The following PTPRD variants were observed in gnomAD, a reference collection of about 807,000 sequenced individuals.
The protein encoded by PTPRD is receptor-type tyrosine-protein phosphatase delta.
PTPRD carries 34 observed loss-of-function variants against 214.5 expected under a neutral mutation model. That is an observed-to-expected ratio of 0.16 (90% CI 0.12 to 0.21). PTPRD has a LOEUF of 0.21. PTPRD is among the 10% of genes least tolerant of loss of function. PTPRD has a pLI of 1.00. For synonymous variants in PTPRD, 1,128 were observed against 845.7 expected (o/e 1.33, Z -5.79); for missense variants, 2,545 against 2,398.7 (o/e 1.06, Z -1.27).
At chr9:10,027,957 T>A (rs1416974816) in intron 4 of PTPRD, among the ~76,000 whole-genome samples, 1 of 152,178 alleles carries the variant, frequency 6.6e-6, no homozygotes, top group Non-Finnish European at 1.5e-5. Flanking sequence ...GATTAAGTTT[T>A]TATTATTCCT....
chr9:8,529,966 C>T (rs953206536), intron 14 of PTPRD, among the ~76,000 whole-genome samples: 2 of 152,076 alleles, frequency 1.3e-5, no homozygotes, highest in East Asian at 3.9e-4. Flanking sequence ...CTCACGGCCA[C>T]TGATAAATTT....
rs965690881 is a variant in PTPRD at position 8,861,899 on chromosome 9, C to T, written c.-103-127953G>A. On this transcript the variant is annotated intron_variant, in intron 11 of 45. Transcript: ENST00000381196. The stretch of plus-strand genomic sequence containing the variant: ...GCTTATGTCTAATACACTTTATTGA[C>T]TTACTGCTAAATACATAAATGAAAC... 2.0e-5 allele frequency: 3 copies of T among 152,330 alleles called. No individual in the cohort carries two copies. In the South Asian group the frequency reaches 6.2e-4, roughly 32 times the overall value. The allele number at this position is 152,330 out of a possible 1,614,324, so 9.4% of individuals were successfully genotyped here.
chr9:8,332,227 A>C (rs944857796), intron 43 of PTPRD, among the ~76,000 whole-genome samples: 1 of 152,158 alleles, frequency 6.6e-6, no homozygotes, highest in African/African-American at 2.4e-5. Flanking sequence ...TGTCGCAATA[A>C]CTTCACATCT....
intron 7 of PTPRD, among the ~76,000 whole-genome samples, chr9:9,721,822 C>A (rs2097954598): frequency 6.6e-6 from 1 of 151,998 alleles, no homozygotes; most frequent in East Asian, 1.9e-4. Flanking sequence ...ATTAACAGCA[C>A]TGAATCATTT....
intron 12 of PTPRD, among the ~76,000 whole-genome samples, chr9:8,668,664 T>C (rs181901338): frequency 4.7e-4 from 72 of 152,202 alleles, no homozygotes; most frequent in African/African-American, 1.7e-3. Context: ...CCGAAAACAA[T>C]AAAAATAGTG....
At chr9:10,610,732 C>G (rs933408070) in intron 2 of PTPRD, among the ~76,000 whole-genome samples, 8 of 152,202 alleles carry the variant, frequency 5.3e-5, no homozygotes, top group African/African-American at 1.7e-4. Context: ...AATGACACAT[C>G]TTTCTCAAAT....
intron 39 of PTPRD, among the ~76,000 whole-genome samples, chr9:8,347,771 T>C (rs2074281135): frequency 1.3e-5 from 2 of 152,172 alleles, no homozygotes; most frequent in African/African-American, 2.4e-5. Context: ...GATCTTTTTC[T>C]CTATGCATAC....
intron 33 of PTPRD, chr9:8,451,767 C>G (rs2095962554): frequency 5.4e-6 from 2 of 372,888 alleles, no homozygotes; most frequent in Admixed American, 3.4e-5. Context: ...CATTTCTTTA[C>G]TAATGTGTCA....
intron 3 of PTPRD, among the ~76,000 whole-genome samples, chr9:10,097,869 G>A (rs937163177): frequency 2.0e-5 from 3 of 151,472 alleles, no homozygotes; most frequent in Non-Finnish European, 1.5e-5. Context: ...GATATTGGCT[G>A]TAGGAACACT....
intron 3 of PTPRD, among the ~76,000 whole-genome samples, chr9:10,144,126 TAG>T (rs1415507990): frequency 6.6e-6 from 1 of 152,236 alleles, no homozygotes; most frequent in Admixed American, 6.6e-5. Context: ...TAAAAATAAA[TAG>T]AGAATAAATG....
chr9:8,748,888 T>C (rs7852417), intron 11 of PTPRD, among the ~76,000 whole-genome samples: 11,135 of 151,976 alleles, frequency 0.073, 1,094 homozygotes, highest in African/African-American at 0.23. Flanking sequence ...CCAGCCTGGG[T>C]AATAAGAGCA....
chr9:8,871,055 C>T (rs902643671), intron 11 of PTPRD, among the ~76,000 whole-genome samples: 5 of 152,112 alleles, frequency 3.3e-5, no homozygotes, highest in African/African-American at 1.2e-4. Context: ...CTCTTTAAAC[C>T]TTCAAATAAG....
At chr9:8,595,763 G>C (rs142469415) in intron 14 of PTPRD, among the ~76,000 whole-genome samples, 2 of 152,164 alleles carry the variant, frequency 1.3e-5, no homozygotes, top group Non-Finnish European at 2.9e-5. Flanking sequence ...AGGTGCTCTT[G>C]TTTTCACTGA....
At chr9:9,473,094 G>A (rs1253948172) in intron 8 of PTPRD, among the ~76,000 whole-genome samples, 1 of 151,816 alleles carries the variant, frequency 6.6e-6, no homozygotes, top group East Asian at 1.9e-4. Flanking sequence ...CTTTATACCT[G>A]TTAACCAATG....
chr9:9,392,181 C>A (rs755689528), intron 9 of PTPRD, among the ~76,000 whole-genome samples: 1 of 152,172 alleles, frequency 6.6e-6, no homozygotes, highest in East Asian at 1.9e-4. Context: ...TCAGCGAGAG[C>A]AGTGTGCTAC....
intron 2 of PTPRD, among the ~76,000 whole-genome samples, chr9:10,463,759 G>C (rs931328146): frequency 7.9e-5 from 12 of 151,872 alleles, no homozygotes; most frequent in East Asian, 3.9e-4. Context: ...ACAAAAAAGA[G>C]GTGTGATCCA....
chr9:9,998,126 A>AT (rs1469532611), intron 4 of PTPRD, among the ~76,000 whole-genome samples: 3,666 of 78,418 alleles, frequency 0.047, 87 homozygotes, highest in Middle Eastern at 0.1. Context: ...AAAAAAAAAA[A>AT]AAAATATATA....
intron 11 of PTPRD, among the ~76,000 whole-genome samples, chr9:8,844,548 T>C (rs148811474): frequency 2.0e-4 from 30 of 152,298 alleles, no homozygotes; most frequent in African/African-American, 7.0e-4. Flanking sequence ...TATGCATATT[T>C]TAAAAAATTT....
At chr9:10,474,559 C>T (rs1413284937) in intron 2 of PTPRD, among the ~76,000 whole-genome samples, 1 of 152,080 alleles carries the variant, frequency 6.6e-6, no homozygotes, top group Admixed American at 6.6e-5. Flanking sequence ...TAACACCCCA[C>T]TGTCAATATT....
Sources: allele counts gnomAD v4.1 joint callset (sites outside exome capture counted in the v4.1 genomes callset), GRCh38; gene constraint gnomAD v4.1.1; transcripts MANE v1.5; gene names NCBI Gene and HGNC (gene_info 2026-07-23, HGNC 2026-07-21).